The following COL6A6 variants were observed in gnomAD, a reference collection of about 807,000 sequenced individuals.
COL6A6 encodes collagen type VI alpha 6 chain, also known as collagen alpha-6(VI) chain.
A neutral mutation model predicts 208.6 loss-of-function variants in COL6A6; 183 were observed. The observed-to-expected ratio is 0.88, with a 90% CI of 0.78 to 0.99. The LOEUF (loss-of-function observed/expected upper bound fraction) is 0.99. COL6A6 is among the 50% of genes least tolerant of loss of function. The probability of loss-of-function intolerance (pLI) is 0.00; values close to 1 mark genes in which losing one functional copy is unlikely to be tolerated. For synonymous variants in COL6A6, 973 were observed against 1,011.8 expected (o/e 0.96, Z 0.73); for missense variants, 2,816 against 2,815.2 (o/e 1.00, Z -0.01).
At chr3:130,644,305 G>GT (rs1421923135) in intron 31 of COL6A6, among the ~76,000 whole-genome samples, 18 of 152,188 alleles carry the variant, frequency 1.2e-4, no homozygotes, top group African/African-American at 3.9e-4. Flanking sequence ...CTGCAGTGAT[G>GT]GAAGTGTTCC....
chr3:130,625,575 A>G (rs2064860622), intron 24 of COL6A6, among the ~76,000 whole-genome samples: 1 of 152,122 alleles, frequency 6.6e-6, no homozygotes, highest in Admixed American at 6.5e-5. Context: ...AATCAGAAAA[A>G]CAGCAATGGG....
rs1359601653 is a variant in COL6A6, at chr3:130,592,725, A to G, written c.4371+3A>G. 6.2e-7 allele frequency: 1 copy of G among 1,610,806 alleles called. No homozygotes were observed. Among genetic ancestry groups the G allele is most frequent in the Admixed American group, 1.7e-5 (1 of 59,990 alleles). On this transcript the variant is annotated splice_donor_region_variant and intron_variant, in intron 15 of 36. Coordinates refer to ENST00000358511, the MANE Select transcript of COL6A6 (RefSeq NM_001102608.3). Reference sequence around the variant, plus strand: ...ACAGAGGACTAAATGGACAGGAGGTATGTTACCAGGCACATCCATTTACCT... The same window carrying G: ...ACAGAGGACTAAATGGACAGGAGGTGTGTTACCAGGCACATCCATTTACCT...
At chr3:130,551,507 T>C (rs1346803753) in intron 1 of COL6A6, among the ~76,000 whole-genome samples, 4 of 152,148 alleles carry the variant, frequency 2.6e-5, no homozygotes, top group African/African-American at 9.7e-5. Context: ...TTAGTGGTAA[T>C]GCCCACGTTT....
At chr3:130,651,972 CT>C (rs1358098411) in intron 33 of COL6A6, among the ~76,000 whole-genome samples, 2 of 152,124 alleles carry the variant, frequency 1.3e-5, no homozygotes, top group Admixed American at 6.5e-5. Flanking sequence ...CTCTTAACTC[CT>C]TTTTTGAAGA....
chr3:130,643,836 T>A (rs763597583), intron 31 of COL6A6, among the ~76,000 whole-genome samples: 1 of 152,202 alleles, frequency 6.6e-6, no homozygotes, highest in Non-Finnish European at 1.5e-5. Context: ...AGAACATTGG[T>A]CTCAAAGACA....
Position 130,591,047 on chromosome 3 carries a change from C to T in COL6A6, c.4225C>T (p.Pro1409Ser). ...TTCCTTTTCTTATTTCCAGGGACCT[C>T]CAGGTTTTAAAGGCAGTGAAGGCTA... ...DPGPPGKRGP[P>S]GFKGSEGYLG... Residue 1409 changes from proline to serine, a missense_variant, in exon 13 of 37, where the codon CCA becomes TCA. By Grantham distance (74) the Pro-to-Ser change is moderately conservative. Coordinates refer to ENST00000358511, the MANE Select transcript of COL6A6 (RefSeq NM_001102608.3). The T allele has an allele frequency of 1.3e-6, 2 of 1,578,004 alleles. No individual in the cohort carries two copies. The highest frequency in any genetic ancestry group is 2.3e-5 in the East Asian group (1 of 43,974).
At position 130,654,331 on chromosome 3, in the gene COL6A6, A is replaced by G. The variant is rs546980853; in HGVS notation, c.5734-4345A>G. Among the ~76,000 whole-genome samples, 5 of 152,260 alleles carry G rather than the reference A, an allele frequency of 3.3e-5. No individual in the cohort carries two copies. In the East Asian group the frequency reaches 9.7e-4, roughly 29 times the overall value. On this transcript the variant is annotated intron_variant, in intron 33 of 36. Coordinates refer to ENST00000358511, the MANE Select transcript of COL6A6 (RefSeq NM_001102608.3). ...TCCCCCTGGATCCTGATCATTGGCAATAAGAAAGCTCTTGGCCCTTCCCAG... is the reference window on the plus strand; with the variant it reads ...TCCCCCTGGATCCTGATCATTGGCAGTAAGAAAGCTCTTGGCCCTTCCCAG...
At position 130,540,396 on chromosome 3, in the gene COL6A6, T is replaced by C. The variant is rs2062334337; in HGVS notation, c.-31-19938T>C. 2.0e-5 allele frequency among the ~76,000 whole-genome samples: 3 copies of C among 152,254 alleles called. No homozygotes were observed. In the South Asian group the frequency reaches 6.2e-4, roughly 32 times the overall value. On this transcript the variant is annotated intron_variant, in intron 1 of 36. Coordinates refer to ENST00000358511, the MANE Select transcript of COL6A6 (RefSeq NM_001102608.3). ...TAGGGTTTACTCTTCATGTGGTCCA[T>C]TCTATGTGTTTAGACAATTTATAAT...
chr3:130,670,385 G>A (rs1157514201), intron 36 of COL6A6, among the ~76,000 whole-genome samples: 1 of 152,230 alleles, frequency 6.6e-6, no homozygotes. Context: ...GTAGGGCACA[G>A]CACTTGGGGT....
intron 1 of COL6A6, among the ~76,000 whole-genome samples, chr3:130,538,547 A>G (rs1262745967): frequency 6.6e-6 from 1 of 152,212 alleles, no homozygotes; most frequent in Non-Finnish European, 1.5e-5. Context: ...TTAACCCCCA[A>G]AACAATTCCT....
intron 36 of COL6A6, among the ~76,000 whole-genome samples, chr3:130,673,622 T>C (rs915136303): frequency 1.3e-5 from 2 of 152,090 alleles, no homozygotes; most frequent in Admixed American, 1.3e-4. Context: ...ATCGTCACTT[T>C]GGGGAATTTG....
chr3:130,665,271 C>G (rs997600174), intron 36 of COL6A6, among the ~76,000 whole-genome samples, 175 bp downstream of exon 36: 12 of 151,856 alleles, frequency 7.9e-5, no homozygotes, highest in Non-Finnish European at 1.8e-4. Flanking sequence ...TTAAAATGAC[C>G]ATGCTGATCT....
chr3:130,634,732 AC>A, intron 27 of COL6A6, 107 bp downstream of exon 27: 6 of 784,242 alleles, frequency 7.7e-6, no homozygotes, highest in Non-Finnish European at 1.2e-5. Flanking sequence ...TAAATGTCCT[AC>A]CTTTGTGCGG....
chr3:130,560,220 ATTCCTTGTCCC>A, intron 1 of COL6A6, 103 bp from the exon 2 acceptor site: 2 of 577,582 alleles, frequency 3.5e-6, no homozygotes, highest in Non-Finnish European at 6.0e-6. Context: ...AACCTCAGAA[ATTCCTTGTCCC>A]CTGTTACACC....
intron 1 of COL6A6, among the ~76,000 whole-genome samples, chr3:130,533,137 T>C (rs1327715182): frequency 6.6e-6 from 1 of 152,114 alleles, no homozygotes; most frequent in Non-Finnish European, 1.5e-5. Context: ...AAATCGACTT[T>C]TCTTCTCAGT....
intron 33 of COL6A6, among the ~76,000 whole-genome samples, chr3:130,653,489 G>A (rs771949358): frequency 2.6e-5 from 4 of 152,092 alleles, no homozygotes; most frequent in Non-Finnish European, 4.4e-5. Context: ...TTTCTTAGAT[G>A]TTTAGACATG....
rs548167848 is a variant in COL6A6, at chr3:130,625,939, G to A, written c.4879-546G>A. The stretch of plus-strand genomic sequence containing the variant: ...TTAAAACTATTCCAAAATTAAAATT[G>A]TTACCTTTTTTTAAAAAGGAGTTAA... On this transcript the variant is annotated intron_variant, in intron 24 of 36. Transcript: ENST00000358511. Among the ~76,000 whole-genome samples the A allele has an allele frequency of 6.6e-5, 10 of 152,186 alleles. No homozygotes were observed. The South Asian group carries it at 2.1e-3, about 32-fold the overall frequency.
At chr3:130,529,162 A>T (rs186391793) in intron 1 of COL6A6, among the ~76,000 whole-genome samples, 88 of 152,168 alleles carry the variant, frequency 5.8e-4, no homozygotes, top group East Asian at 4.7e-3. Flanking sequence ...TCTTTGCCCT[A>T]GGAGATAGGC....
chr3:130,615,656 C>T (rs574121109), intron 23 of COL6A6, among the ~76,000 whole-genome samples: 43 of 152,250 alleles, frequency 2.8e-4, no homozygotes, highest in Non-Finnish European at 5.6e-4. Context: ...ATAACTATTT[C>T]GCATTCATAT....
Sources: allele counts gnomAD v4.1 joint callset (sites outside exome capture counted in the v4.1 genomes callset), GRCh38; gene constraint gnomAD v4.1.1; transcripts MANE v1.5; gene names NCBI Gene and HGNC (gene_info 2026-07-23, HGNC 2026-07-21).